CMPK2: variants seen among roughly 807,000 people sequenced by gnomAD.
CMPK2 encodes the protein cytidine/uridine monophosphate kinase 2.
A neutral mutation model predicts 33.4 loss-of-function variants in CMPK2; 32 were observed. The ratio of observed to expected loss-of-function variants is 0.96; its 90% CI spans 0.72 to 1.29. The LOEUF (loss-of-function observed/expected upper bound fraction) is 1.29, where lower values mean the gene tolerates loss of function less well. CMPK2 is among the 50% of genes most tolerant of loss of function. The probability of loss-of-function intolerance (pLI) is 0.00; values close to 1 mark genes in which losing one functional copy is unlikely to be tolerated. For synonymous variants in CMPK2, 299 were observed against 275.3 expected (o/e 1.09, Z -0.85); for missense variants, 672 against 616.0 (o/e 1.09, Z -0.96).
chr2:6,863,668 C>T, intron 1 of CMPK2, 90 bp from the exon 2 acceptor site: 1 of 844,218 alleles, frequency 1.2e-6, no homozygotes. Flanking sequence ...TTGCCGCATG[C>T]TAATAAGGCC....
intron 3 of CMPK2, among the ~76,000 whole-genome samples, chr2:6,841,137 G>T (rs967368482): frequency 6.6e-6 from 1 of 152,088 alleles, no homozygotes; most frequent in Admixed American, 6.5e-5. Flanking sequence ...TTAAATGAGG[G>T]GCCATTGTCA....
chr2:6,864,044 A>G (rs1662970325), intron 1 of CMPK2, among the ~76,000 whole-genome samples: 1 of 152,266 alleles, frequency 6.6e-6, no homozygotes, highest in Non-Finnish European at 1.5e-5. Context: ...AAGCTGGCAG[A>G]GCAGCGTCCC....
downstream of CMPK2, among the ~76,000 whole-genome samples, chr2:6,846,187 G>A (rs191776967): frequency 2.0e-3 from 302 of 152,272 alleles, 2 homozygotes; most frequent in African/African-American, 7.0e-3. Flanking sequence ...GAGAGATTTG[G>A]GGTTTGATAG....
At chr2:6,843,749 C>T (rs567805232), downstream of CMPK2, among the ~76,000 whole-genome samples, 23 of 152,238 alleles carry the variant, frequency 1.5e-4, no homozygotes, top group South Asian at 1.7e-3. Flanking sequence ...CTACTACAAC[C>T]GAGGGGCTAT....
intron 3 of CMPK2, 48 bp downstream of exon 3, chr2:6,861,128 CCACACACT>C (rs1662866585): frequency 2.3e-3 from 58 of 24,814 alleles, no homozygotes; most frequent in Admixed American, 0.012. Context: ...ACACACACAC[CCACACACT>C]TATATATTAG....
intron 3 of CMPK2, 87 bp downstream of exon 3, chr2:6,861,096 AC>A: frequency 2.2e-5 from 1 of 45,774 alleles, no homozygotes; most frequent in Non-Finnish European, 4.3e-5. Context: ...GTACGTATAC[AC>A]ACACACGCAC....
chr2:6,857,320 T>C (rs1005760329), intron 3 of CMPK2, among the ~76,000 whole-genome samples: 3 of 149,766 alleles, frequency 2.0e-5, no homozygotes, highest in Non-Finnish European at 4.4e-5. Flanking sequence ...TTTTGTTTTA[T>C]TGTTTTTGGG....
chr2:6,849,936 A>C lies in CMPK2; in HGVS notation c.1264T>G (p.Cys422Gly). 6.2e-7 allele frequency: 1 copy of C among 1,614,186 alleles called. No individual in the cohort carries two copies. The highest frequency in any genetic ancestry group is 8.5e-7 in the Non-Finnish European group (1 of 1,180,020). ...MSYQRMENPG[C>G]HVVDASPSRE... ...GAGGGGCTGGCATCAACCACATGGC[A>C]GCCAGGATTCTCCATCCGCTGGTAG... The change falls in exon 5 of 5, where the codon TGC becomes GGC. Residue 422 changes from cysteine (C) to glycine (G), a missense_variant. Coordinates refer to ENST00000256722, the MANE Select transcript of CMPK2 (RefSeq NM_207315.4).
At chr2:6,864,779 T>C (rs1413166787) in intron 1 of CMPK2, among the ~76,000 whole-genome samples, 1 of 152,256 alleles carries the variant, frequency 6.6e-6, no homozygotes, top group African/African-American at 2.4e-5. Flanking sequence ...GGGATGCTTT[T>C]ACAGCAAGCA....
intron 4 of CMPK2, chr2:6,851,030 T>A (rs1369811333): frequency 9.7e-7 from 1 of 1,030,918 alleles, no homozygotes; most frequent in Non-Finnish European, 1.2e-6. Context: ...AAAATACGGC[T>A]AATGTTTTCC....
intron 3 of CMPK2, 54 bp from the exon 4 acceptor site, chr2:6,851,737 A>G (rs1662533529): frequency 1.9e-6 from 3 of 1,539,976 alleles, no homozygotes; most frequent in African/African-American, 1.4e-5. Flanking sequence ...TCAAAGTAGC[A>G]TCTGAAAATC....
chr2:6,864,923 A>G, intron 1 of CMPK2, 99 bp downstream of exon 1: 1 of 1,326,314 alleles, frequency 7.5e-7, no homozygotes, highest in African/African-American at 1.5e-5. Context: ...CAAACCACCC[A>G]GGCAAGAACC....
At position 6,849,366 on chromosome 2, in the gene CMPK2, G is replaced by A; in HGVS notation, c.*484C>T. On this transcript the variant is annotated 3_prime_UTR_variant, in exon 5 of 5. Coordinates refer to ENST00000256722, the MANE Select transcript of CMPK2 (RefSeq NM_207315.4). The stretch of plus-strand genomic sequence containing the variant: ...ACACTTGGCTCTAGAATTTGGGACT[G>A]AGGGAGATGCAGCGAGCCCATCATG... 1 of 986,628 alleles carries A rather than the reference G, an allele frequency of 1.0e-6. No homozygotes were observed. Among genetic ancestry groups the A allele is most frequent in the Non-Finnish European group, 1.2e-6 (1 of 830,816 alleles). 61.1% of individuals were successfully genotyped at this position (986,628 alleles called of 1,614,324 possible).
At chr2:6,863,774 G>A (rs1662957271) in intron 1 of CMPK2, among the ~76,000 whole-genome samples, 196 bp from the exon 2 acceptor site, 1 of 152,244 alleles carries the variant, frequency 6.6e-6, no homozygotes, top group Non-Finnish European at 1.5e-5. Flanking sequence ...AGCAGCCGAG[G>A]CTCGAAACAG....
At chr2:6,850,442 T>C (rs1344754666) in intron 4 of CMPK2, among the ~76,000 whole-genome samples, 1 of 152,220 alleles carries the variant, frequency 6.6e-6, no homozygotes, top group Non-Finnish European at 1.5e-5. Flanking sequence ...CTTTCCATGC[T>C]AGCTAGCCTT....
intron 3 of CMPK2, among the ~76,000 whole-genome samples, chr2:6,841,190 T>C (rs941336093): frequency 2.8e-4 from 42 of 152,290 alleles, no homozygotes; most frequent in African/African-American, 9.4e-4. Flanking sequence ...AATTATTTCA[T>C]TGACTAATGC....
intron 3 of CMPK2, among the ~76,000 whole-genome samples, chr2:6,856,466 T>C (rs1662707434): frequency 6.6e-6 from 1 of 152,182 alleles, no homozygotes; most frequent in East Asian, 1.9e-4. Context: ...ACAGGTGACT[T>C]GACTGTGTTC....
At chr2:6,850,028 A>G in intron 4 of CMPK2, 55 bp from the exon 5 acceptor site, 1 of 1,352,652 alleles carries the variant, frequency 7.4e-7, no homozygotes. Context: ...AGCTATTTGC[A>G]TTAATGTTCT....
downstream of CMPK2, among the ~76,000 whole-genome samples, chr2:6,846,975 G>C (rs1662377119): frequency 6.6e-6 from 1 of 152,186 alleles, no homozygotes; most frequent in Non-Finnish European, 1.5e-5. Flanking sequence ...ATTCCAAGAA[G>C]ATTAAGGAGT....
Sources: allele counts gnomAD v4.1 joint callset (sites outside exome capture counted in the v4.1 genomes callset), GRCh38; gene constraint gnomAD v4.1.1; transcripts MANE v1.5; gene names NCBI Gene and HGNC (gene_info 2026-07-23, HGNC 2026-07-21).